The following APOO variants were observed in gnomAD, a reference collection of about 807,000 sequenced individuals.
The protein encoded by APOO is apolipoprotein O.
Under a neutral mutation model 23.1 loss-of-function variants are expected in APOO, and 11 were observed. That is an observed-to-expected ratio of 0.48 (90% CI 0.30 to 0.79). APOO has a LOEUF of 0.79. Among genes scored for constraint, APOO ranks in the 30% least tolerant of loss-of-function variants. The pLI, the probability that APOO is intolerant of heterozygous loss-of-function variation, is 0.07. For synonymous variants in APOO, 59 were observed against 54.8 expected (o/e 1.08, Z -0.34); for missense variants, 160 against 142.7 (o/e 1.12, Z -0.62).
intron 5 of APOO, among the ~76,000 whole-genome samples, chrX:23,865,293 T>C (rs749155908): frequency 1.5e-3 from 162 of 111,132 alleles, no homozygotes; most frequent in Non-Finnish European, 2.3e-3. Context: ...GCAGACTACC[T>C]TAGCAGATAC....
chrX:23,892,773 A>G (rs1926721496), intron 1 of APOO, among the ~76,000 whole-genome samples: 1 of 107,257 alleles, frequency 9.3e-6, no homozygotes, highest in African/African-American at 3.4e-5. Flanking sequence ...GTCACAAAAA[A>G]AAAAAAAAAG....
At chrX:23,860,761 A>G (rs1254383639) in intron 5 of APOO, among the ~76,000 whole-genome samples, 1 of 105,483 alleles carries the variant, frequency 9.5e-6, no homozygotes, top group Admixed American at 1.0e-4. Context: ...AGCTCAAGCA[A>G]TCCACCTGCC....
intron 7 of APOO, among the ~76,000 whole-genome samples, chrX:23,842,922 C>G (rs964288244): frequency 1.8e-5 from 2 of 111,784 alleles, no homozygotes; most frequent in Non-Finnish European, 3.8e-5. Context: ...GCAGGAGAAT[C>G]GCTTGAACCC....
chrX:23,872,913 T>C (rs925847501), intron 4 of APOO, among the ~76,000 whole-genome samples: 5 of 109,421 alleles, frequency 4.6e-5, no homozygotes, highest in Non-Finnish European at 9.5e-5. Flanking sequence ...AGGCTGGGTG[T>C]GGTGGCGTGT....
At chrX:23,852,629 A>G (rs1402905605) in intron 7 of APOO, among the ~76,000 whole-genome samples, 1 of 107,678 alleles carries the variant, frequency 9.3e-6, no homozygotes, top group Non-Finnish European at 1.9e-5. Context: ...AAAAAAAAAT[A>G]TGAATTAGAT....
chrX:23,885,823 T>C (rs1448488802), intron 1 of APOO, among the ~76,000 whole-genome samples: 1 of 111,443 alleles, frequency 9.0e-6, no homozygotes, highest in Non-Finnish European at 1.9e-5. Flanking sequence ...AGCTGGCTCC[T>C]GCAGCGGCCT....
chrX:23,868,512 G>T, intron 5 of APOO, 81 bp downstream of exon 5: 1 of 810,872 alleles, frequency 1.2e-6, no homozygotes, highest in Non-Finnish European at 1.8e-6. Context: ...TCTGAAACCT[G>T]GTAAATGAAG....
chrX:23,837,783 C>G lies in APOO; in HGVS notation c.*29+2530G>C, dbSNP rs373508646. Reference sequence around the variant, plus strand: ...CAGGAGATCCTCCCACCTCAGCCTCCAAGTAACTGGGACTACAGGTGTTCG... The same window carrying G: ...CAGGAGATCCTCCCACCTCAGCCTCGAAGTAACTGGGACTACAGGTGTTCG... On this transcript the variant is annotated intron_variant, in intron 8 of 8. Coordinates refer to ENST00000379226, the MANE Select transcript of APOO (RefSeq NM_024122.5). 5.5e-5 allele frequency among the ~76,000 whole-genome samples: 6 copies of G among 108,289 alleles called. No individual in the cohort carries two copies. The East Asian group carries it at 1.5e-3, about 27-fold the overall frequency. 94.0% of individuals were successfully genotyped at this position (108,289 alleles called of 115,157 possible). A position where few individuals can be genotyped will look rare whatever the true frequency, so the allele number is the denominator to read the frequency against.
intron 7 of APOO, among the ~76,000 whole-genome samples, chrX:23,848,823 C>A (rs1601888687): frequency 9.7e-6 from 1 of 103,212 alleles, no homozygotes; most frequent in African/African-American, 3.6e-5. Context: ...GTAGCTGGGA[C>A]TACAGGCACG....
At chrX:23,838,700 G>C (rs1002980543) in intron 8 of APOO, among the ~76,000 whole-genome samples, 1 of 110,769 alleles carries the variant, frequency 9.0e-6, no homozygotes, top group Non-Finnish European at 1.9e-5. Flanking sequence ...TTACAGGCGT[G>C]AGCCACCACA....
At chrX:23,897,925 G>C (rs182196026) in intron 1 of APOO, among the ~76,000 whole-genome samples, 1 of 105,487 alleles carries the variant, frequency 9.5e-6, no homozygotes, top group East Asian at 3.1e-4. Flanking sequence ...AGCCTGGGAG[G>C]TGGAGGTTGC....
chrX:23,893,043 A>T (rs974826333), intron 1 of APOO, among the ~76,000 whole-genome samples: 1 of 110,729 alleles, frequency 9.0e-6, no homozygotes, highest in African/African-American at 3.3e-5. Flanking sequence ...GAATACAACA[A>T]AATGATGAAG....
intron 1 of APOO, among the ~76,000 whole-genome samples, chrX:23,887,229 C>CTTTTTTTTTTTTTTT (rs765596270): frequency 5.5e-5 from 3 of 54,212 alleles, no homozygotes; most frequent in African/African-American, 7.0e-5. Flanking sequence ...TTCTTTTTCC[C>CTTTTTTTTTTTTTTT]TTTTTTTTTT....
intron 5 of APOO, among the ~76,000 whole-genome samples, chrX:23,863,200 G>T (rs1235405777): frequency 9.0e-6 from 1 of 111,716 alleles, no homozygotes; most frequent in East Asian, 2.8e-4. Context: ...CAGGCGTGGT[G>T]GTGCACGCCT....
At chrX:23,836,322 C>CT (rs1249468181) in intron 8 of APOO, among the ~76,000 whole-genome samples, 17 of 105,911 alleles carry the variant, frequency 1.6e-4, no homozygotes, top group East Asian at 6.0e-4. Context: ...TTTCTTTTTT[C>CT]TTTTTTTTTT....
chrX:23,836,166 T>C, intron 8 of APOO, among the ~76,000 whole-genome samples: 1 of 112,880 alleles, frequency 8.9e-6, no homozygotes, highest in Non-Finnish European at 1.9e-5. Context: ...AGTCTCTCTC[T>C]GTTGCCCAGG....
chrX:23,836,202 T>C (rs1251086301), intron 8 of APOO, among the ~76,000 whole-genome samples: 1 of 112,882 alleles, frequency 8.9e-6, no homozygotes, highest in East Asian at 2.8e-4. Flanking sequence ...GGCACGATCT[T>C]GGCTCACTGC....
chrX:23,904,828 C>CA (rs1167383802), intron 1 of APOO, among the ~76,000 whole-genome samples: 1 of 111,399 alleles, frequency 9.0e-6, no homozygotes, highest in Non-Finnish European at 1.9e-5. Context: ...CCAACTGAAT[C>CA]AGAGCCTGGA....
At chrX:23,868,216 GTAA>G (rs1925431419) in intron 5 of APOO, among the ~76,000 whole-genome samples, 1 of 111,831 alleles carries the variant, frequency 8.9e-6, no homozygotes, top group South Asian at 3.7e-4. Flanking sequence ...AATCAAGAAG[GTAA>G]TAAAATCTCT....
Sources: gnomAD v4.1 joint callset for allele counts (sites outside exome capture counted in the v4.1 genomes callset) on GRCh38, gnomAD v4.1.1 for gene constraint, MANE v1.5 for transcripts, NCBI Gene and HGNC (gene_info 2026-07-23, HGNC 2026-07-21) for gene names.